Variants in NR3C2 observed in about 807,000 individuals in gnomAD.
The protein encoded by NR3C2 is mineralocorticoid receptor.
A neutral mutation model predicts 86.4 loss-of-function variants in NR3C2; 15 were observed. That is an observed-to-expected ratio of 0.17 (90% CI 0.12 to 0.27). The LOEUF (loss-of-function observed/expected upper bound fraction) is 0.27, where lower values mean the gene tolerates loss of function less well. Ranked by LOEUF, NR3C2 falls within the 10% of genes least tolerant of loss-of-function variation. The pLI, the probability that NR3C2 is intolerant of heterozygous loss-of-function variation, is 1.00. For synonymous variants in NR3C2, 458 were observed against 450.5 expected (o/e 1.02, Z -0.21); for missense variants, 960 against 1,195.6 (o/e 0.80, Z 2.91).
intron 2 of NR3C2, among the ~76,000 whole-genome samples, chr4:148,320,806 T>C (rs964342314): frequency 1.3e-5 from 2 of 150,864 alleles, no homozygotes; most frequent in African/African-American, 4.9e-5. Flanking sequence ...CTATCAATCT[T>C]GTTGATCCTT....
chr4:148,360,911 G>A (rs1040481393), intron 2 of NR3C2, among the ~76,000 whole-genome samples: 6 of 152,118 alleles, frequency 3.9e-5, no homozygotes, highest in Non-Finnish European at 7.4e-5. Flanking sequence ...GGGGTTCCAC[G>A]ATAATAAAGT....
intron 3 of NR3C2, among the ~76,000 whole-genome samples, chr4:148,253,971 T>C (rs28604902): frequency 8.8e-4 from 134 of 152,212 alleles, no homozygotes; most frequent in Middle Eastern, 3.4e-3. Context: ...CAGTATTCCT[T>C]ATCTCAGTGA....
At chr4:148,223,946 G>C (rs1441089655) in intron 3 of NR3C2, among the ~76,000 whole-genome samples, 1 of 152,076 alleles carries the variant, frequency 6.6e-6, no homozygotes, top group Admixed American at 6.5e-5. Context: ...ATAGGCAAAT[G>C]AACATATAGA....
intron 8 of NR3C2, among the ~76,000 whole-genome samples, chr4:148,111,078 C>T (rs1295957562): frequency 1.3e-5 from 2 of 152,214 alleles, no homozygotes; most frequent in Non-Finnish European, 2.9e-5. Context: ...AAAATACTTA[C>T]AGTCATATAT....
chr4:148,400,739 A>G (rs745763039), intron 2 of NR3C2, among the ~76,000 whole-genome samples: 26 of 141,670 alleles, frequency 1.8e-4, no homozygotes, highest in Non-Finnish European at 3.5e-4. Flanking sequence ...GATCCATGCC[A>G]CTGCACTCCA....
rs529682955 is a variant in NR3C2 at position 148,429,156 on chromosome 4, C to G, written c.1757+5948G>C. Reference sequence around the variant, plus strand: ...AAGTGTAAATACCAACTCTGATCATCCCCCACCTCCCCATTTTCCAAGACT... The same window carrying G: ...AAGTGTAAATACCAACTCTGATCATGCCCCACCTCCCCATTTTCCAAGACT... On this transcript the variant is annotated intron_variant, in intron 2 of 8. Transcript: ENST00000358102. Among the ~76,000 whole-genome samples the G allele has an allele frequency of 5.3e-5, 8 of 152,284 alleles. No homozygotes were observed. The East Asian group carries it at 1.5e-3, about 29-fold the overall frequency.
At chr4:148,223,400 C>T (rs1737968491) in intron 3 of NR3C2, among the ~76,000 whole-genome samples, 2 of 152,164 alleles carry the variant, frequency 1.3e-5, no homozygotes, top group Admixed American at 1.3e-4. Flanking sequence ...TCCAACTAGA[C>T]CATAAACTGG....
At chr4:148,333,530 T>A (rs1744330525) in intron 2 of NR3C2, among the ~76,000 whole-genome samples, 1 of 119,890 alleles carries the variant, frequency 8.3e-6, no homozygotes, top group Non-Finnish European at 1.9e-5. Flanking sequence ...TTCCAGAAAG[T>A]CTCCTTAAAA....
rs1329517674 is a variant in NR3C2 at position 148,081,258 on chromosome 4, A to ATGTT, written c.*82_*85dup. ...TGAACAAGTGTGAATCAACCATCACATGTTAAAAACAGGTTTTCTTGGGTC... is the reference window on the plus strand; with the variant it reads ...TGAACAAGTGTGAATCAACCATCACATGTTTGTTAAAAACAGGTTTTCTTGGGTC... On this transcript the variant is annotated 3_prime_UTR_variant, in exon 9 of 9. Coordinates refer to ENST00000358102, the MANE Select transcript of NR3C2 (RefSeq NM_000901.5). The ATGTT allele has an allele frequency of 5.2e-6, 8 of 1,524,412 alleles. No homozygotes were observed. The African/African-American group carries it at 9.6e-5, about 18-fold the overall frequency. 94.4% of individuals were successfully genotyped at this position (1,524,412 alleles called of 1,614,324 possible). A position where few individuals can be genotyped will look rare whatever the true frequency, so the allele number is the denominator to read the frequency against.
chr4:148,433,185 A>T (rs1749875964), intron 2 of NR3C2, among the ~76,000 whole-genome samples: 1 of 152,170 alleles, frequency 6.6e-6, no homozygotes, highest in Non-Finnish European at 1.5e-5. Flanking sequence ...CATGAAAACT[A>T]CATTTAAAAT....
chr4:148,444,703 C>T (rs1270502246), upstream of NR3C2: 4 of 985,162 alleles, frequency 4.1e-6, no homozygotes, highest in African/African-American at 7.0e-5. Context: ...AGCAATAGTG[C>T]TGTTACCCTA....
intron 6 of NR3C2, among the ~76,000 whole-genome samples, chr4:148,133,347 T>C (rs1203986225): frequency 6.6e-6 from 1 of 152,126 alleles, no homozygotes; most frequent in Non-Finnish European, 1.5e-5. Context: ...CAGAAAACCT[T>C]TGGTGAGATA....
intron 2 of NR3C2, among the ~76,000 whole-genome samples, chr4:148,354,894 A>G (rs1006847326): frequency 1.3e-5 from 2 of 152,210 alleles, no homozygotes; most frequent in African/African-American, 4.8e-5. Flanking sequence ...ACATGAAATT[A>G]GAACAAAAAC....
upstream of NR3C2, chr4:148,444,844 C>A: frequency 3.0e-6 from 3 of 985,048 alleles, no homozygotes; most frequent in Non-Finnish European, 3.6e-6. Flanking sequence ...GCGTTGACAG[C>A]GGCGTCCCTG....
chr4:148,157,739 T>G (rs1275187108), intron 4 of NR3C2, among the ~76,000 whole-genome samples: 2 of 152,240 alleles, frequency 1.3e-5, no homozygotes, highest in African/African-American at 2.4e-5. Flanking sequence ...AGACACCTTC[T>G]ACTTAATCCT....
intron 2 of NR3C2, among the ~76,000 whole-genome samples, chr4:148,297,889 C>CA (rs80142284): frequency 0.051 from 5,256 of 103,536 alleles, 137 homozygotes; most frequent in Middle Eastern, 0.11. Context: ...AACTCCGTCT[C>CA]AAAAAAAAAA....
At chr4:148,353,094 G>A (rs534421726) in intron 2 of NR3C2, among the ~76,000 whole-genome samples, 167 of 152,116 alleles carry the variant, frequency 1.1e-3, no homozygotes, top group African/African-American at 3.8e-3. Context: ...AAATTAGAAG[G>A]ATCTTATTTT....
chr4:148,115,499 T>C (rs1732233666), intron 7 of NR3C2, among the ~76,000 whole-genome samples: 1 of 152,242 alleles, frequency 6.6e-6, no homozygotes, highest in Non-Finnish European at 1.5e-5. Context: ...TTTCACTTCT[T>C]AATTACCTAT....
At chr4:148,121,331 A>G (rs1269794480) in intron 6 of NR3C2, among the ~76,000 whole-genome samples, 1 of 152,256 alleles carries the variant, frequency 6.6e-6, no homozygotes, top group African/African-American at 2.4e-5. Context: ...AATGCCAATT[A>G]TAAGGAACCC....
Sources: allele counts gnomAD v4.1 joint callset (sites outside exome capture counted in the v4.1 genomes callset), GRCh38; gene constraint gnomAD v4.1.1; transcripts MANE v1.5; gene names NCBI Gene and HGNC (gene_info 2026-07-23, HGNC 2026-07-21).